Variants in ITGA9 observed in about 807,000 individuals in gnomAD.
The protein encoded by ITGA9 is integrin alpha-9.
ITGA9 carries 56 observed loss-of-function variants against 127.8 expected under a neutral mutation model. The ratio of observed to expected loss-of-function variants is 0.44; its 90% CI spans 0.35 to 0.55. The LOEUF (loss-of-function observed/expected upper bound fraction) is 0.55, where lower values mean the gene tolerates loss of function less well. ITGA9 is among the 20% of genes least tolerant of loss of function. The pLI, the probability that ITGA9 is intolerant of heterozygous loss-of-function variation, is 0.00. For missense variants in ITGA9, 1,196 were observed against 1,347.1 expected (o/e 0.89, Z 1.76); for synonymous variants, 508 against 514.5 (o/e 0.99, Z 0.17).
At chr3:37,543,176 A>G (rs758449491) in intron 15 of ITGA9, among the ~76,000 whole-genome samples, 34 of 152,346 alleles carry the variant, frequency 2.2e-4, no homozygotes, top group South Asian at 6.2e-4. Context: ...TCAGGAGGCC[A>G]GGCTTTGATT....
At chr3:37,784,924 C>T (rs1559598043) in intron 25 of ITGA9, 53 bp from the exon 26 acceptor site, 1 of 1,467,058 alleles carries the variant, frequency 6.8e-7, no homozygotes. Context: ...CTCTCAAGGC[C>T]CAGCCATTAT....
chr3:37,668,354 T>C (rs958492040), intron 17 of ITGA9, among the ~76,000 whole-genome samples: 2 of 152,184 alleles, frequency 1.3e-5, no homozygotes, highest in African/African-American at 4.8e-5. Flanking sequence ...TGGGCAGTGT[T>C]TTCCTTGGCT....
intron 11 of ITGA9, 95 bp from the exon 12 acceptor site, chr3:37,523,426 C>A (rs1360571037): frequency 1.0e-6 from 1 of 969,240 alleles, no homozygotes; most frequent in Non-Finnish European, 1.7e-6. Context: ...ACTTTAAGAC[C>A]AAGTGTCCTA....
intron 26 of ITGA9, among the ~76,000 whole-genome samples, chr3:37,793,417 C>T (rs1002621633): frequency 4.6e-5 from 7 of 151,794 alleles, no homozygotes; most frequent in South Asian, 2.1e-4. Context: ...CACACACACA[C>T]ACACACACAC....
chr3:37,574,842 C>G (rs1240554541), intron 15 of ITGA9, among the ~76,000 whole-genome samples: 1 of 152,130 alleles, frequency 6.6e-6, no homozygotes, highest in Non-Finnish European at 1.5e-5. Flanking sequence ...GAGAGCAGGT[C>G]CATATCGGGA....
intron 15 of ITGA9, among the ~76,000 whole-genome samples, chr3:37,547,297 G>C (rs1699335311): frequency 6.6e-6 from 1 of 152,200 alleles, no homozygotes; most frequent in South Asian, 2.1e-4. Context: ...GATTTTTCAA[G>C]GAACTTTGAA....
At chr3:37,624,516 G>C (rs1700158310) in intron 15 of ITGA9, among the ~76,000 whole-genome samples, 1 of 152,066 alleles carries the variant, frequency 6.6e-6, no homozygotes, top group African/African-American at 2.4e-5. Context: ...TCAGTCCACT[G>C]CCACACGGCA....
At chr3:37,793,195 G>A (rs559339784) in intron 26 of ITGA9, among the ~76,000 whole-genome samples, 3 of 151,898 alleles carry the variant, frequency 2.0e-5, no homozygotes, top group East Asian at 3.9e-4. Context: ...GAGGTTCCTG[G>A]AACTCCCTCT....
chr3:37,480,786 C>T (rs569954141), intron 3 of ITGA9, among the ~76,000 whole-genome samples: 21 of 152,270 alleles, frequency 1.4e-4, no homozygotes, highest in African/African-American at 5.1e-4. Context: ...CCACCCCCGT[C>T]GCCCATCTCC....
At chr3:37,802,399 C>G (rs943424371) in intron 26 of ITGA9, among the ~76,000 whole-genome samples, 14 of 152,192 alleles carry the variant, frequency 9.2e-5, no homozygotes, top group African/African-American at 2.9e-4. Flanking sequence ...ATCAGTGAGG[C>G]TTCTTGACAG....
chr3:37,684,058 G>A (rs1292958099), intron 18 of ITGA9, 43 bp downstream of exon 18: 1 of 1,559,096 alleles, frequency 6.4e-7, no homozygotes, highest in African/African-American at 1.4e-5. Flanking sequence ...GTTCCATCTG[G>A]TGCGCTTGCT....
chr3:37,651,427 T>C (rs1221826499), intron 16 of ITGA9, among the ~76,000 whole-genome samples: 3 of 152,182 alleles, frequency 2.0e-5, no homozygotes, highest in Non-Finnish European at 4.4e-5. Flanking sequence ...CATCCACCAT[T>C]TGGCTCCCCA....
intron 14 of ITGA9, among the ~76,000 whole-genome samples, chr3:37,541,692 T>C (rs1699271936): frequency 6.6e-6 from 1 of 152,204 alleles, no homozygotes; most frequent in South Asian, 2.1e-4. Flanking sequence ...ATAGTTTTGT[T>C]GAAAGGATAG....
At chr3:37,623,359 CAG>C in intron 15 of ITGA9, among the ~76,000 whole-genome samples, 1 of 152,346 alleles carries the variant, frequency 6.6e-6, no homozygotes, top group Non-Finnish European at 1.5e-5. Context: ...TTTGTCTTCA[CAG>C]AGTCATAAGA....
intron 18 of ITGA9, among the ~76,000 whole-genome samples, chr3:37,715,480 G>T (rs1478137897): frequency 6.6e-6 from 1 of 152,212 alleles, no homozygotes; most frequent in African/African-American, 2.4e-5. Flanking sequence ...GCTTCAACCT[G>T]CTGTTCAGGG....
At chr3:37,680,720 A>G (rs1280132319) in intron 17 of ITGA9, among the ~76,000 whole-genome samples, 2 of 152,196 alleles carry the variant, frequency 1.3e-5, no homozygotes, top group Non-Finnish European at 2.9e-5. Flanking sequence ...ATGCCTGTCC[A>G]CTTCCTTCTC....
intron 25 of ITGA9, among the ~76,000 whole-genome samples, chr3:37,782,336 A>C (rs1016471667): frequency 6.6e-6 from 1 of 152,154 alleles, no homozygotes; most frequent in African/African-American, 2.4e-5. Context: ...TTTGCACTTA[A>C]TCATGCACAG....
At chr3:37,669,520 G>A (rs1195900142) in intron 17 of ITGA9, among the ~76,000 whole-genome samples, 20 of 152,206 alleles carry the variant, frequency 1.3e-4, no homozygotes, top group African/African-American at 4.8e-4. Flanking sequence ...AGATGCGGTA[G>A]AACCTCATGT....
At chr3:37,712,677 C>G (rs1327561145) in intron 18 of ITGA9, among the ~76,000 whole-genome samples, 1 of 152,190 alleles carries the variant, frequency 6.6e-6, no homozygotes, top group Non-Finnish European at 1.5e-5. Flanking sequence ...CAAACAGGCT[C>G]TCTGTCCCTT....
Sources: allele counts gnomAD v4.1 joint callset (sites outside exome capture counted in the v4.1 genomes callset), GRCh38; gene constraint gnomAD v4.1.1; transcripts MANE v1.5; gene names NCBI Gene and HGNC (gene_info 2026-07-23, HGNC 2026-07-21).